Variants in CA3 observed in about 807,000 individuals in gnomAD.
The protein encoded by CA3 is carbonic anhydrase 3, also known as CA-III.
Under a neutral mutation model 35.7 loss-of-function variants are expected in CA3, and 30 were observed. The observed-to-expected ratio is 0.84, with a 90% confidence interval of 0.63 to 1.14. CA3 has a LOEUF of 1.14. Among genes scored for constraint, CA3 ranks in the 50% most tolerant of loss-of-function variants. The pLI, the probability that CA3 is intolerant of heterozygous loss-of-function variation, is 0.00. For synonymous variants in CA3, 131 were observed against 130.8 expected (o/e 1.00, Z -0.01); for missense variants, 295 against 328.5 (o/e 0.90, Z 0.79).
intron 3 of CA3, 39 bp from the exon 4 acceptor site, chr8:85,443,995 C>T: frequency 7.6e-7 from 1 of 1,321,116 alleles, no homozygotes; most frequent in East Asian, 2.3e-5. Flanking sequence ...TTTCCATATT[C>T]CAGGAATTTA....
At chr8:85,447,079 C>T (rs1205229559) in intron 6 of CA3, among the ~76,000 whole-genome samples, 2 of 152,104 alleles carry the variant, frequency 1.3e-5, no homozygotes, top group Non-Finnish European at 2.9e-5. Context: ...CAGTTGTAAA[C>T]TCAAGTTTAT....
chr8:85,440,844 T>C (rs570037445), intron 2 of CA3, among the ~76,000 whole-genome samples: 3 of 152,344 alleles, frequency 2.0e-5, no homozygotes, highest in Admixed American at 6.5e-5. Flanking sequence ...TGGTTTCGTA[T>C]TGCTATTGTT....
At chr8:85,439,232 C>G (rs1382003558) in intron 1 of CA3, among the ~76,000 whole-genome samples, 1 of 152,038 alleles carries the variant, frequency 6.6e-6, no homozygotes, top group East Asian at 1.9e-4. Context: ...GTCAGACAGC[C>G]CGAGGTCAGG....
chr8:85,448,679 C>G lies in CA3; in HGVS notation c.*526C>G, dbSNP rs1811328809. The G allele has an allele frequency of 6.6e-6, 1 of 152,190 alleles. No individual in the cohort carries two copies. Among genetic ancestry groups the G allele is most frequent in the African/African-American group, 2.4e-5 (1 of 41,462 alleles). 9.4% of individuals were successfully genotyped at this position (152,190 alleles called of 1,614,324 possible). A position where few individuals can be genotyped will look rare whatever the true frequency, so the allele number is the denominator to read the frequency against. On this transcript the variant is annotated 3_prime_UTR_variant, in exon 7 of 7. Transcript: ENST00000285381. ...TAATAATATGTTTTAACTCTTAACACCAGCAAGAAGTCAGTCATTTATTGA... is the reference window on the plus strand; with the variant it reads ...TAATAATATGTTTTAACTCTTAACAGCAGCAAGAAGTCAGTCATTTATTGA...
chr8:85,439,902 T>C lies in CA3; in HGVS notation c.225T>C (p.Asp75=). The C allele has an allele frequency of 6.2e-7, 1 of 1,609,010 alleles. No homozygotes were observed. Among genetic ancestry groups the C allele is most frequent in the African/African-American group, 1.3e-5 (1 of 74,998 alleles). Residue 75 remains aspartate, a synonymous_variant, in exon 2 of 7, where the codon GAT becomes GAC. Transcript: ENST00000285381. ...TCRVVFDDTY[D]RSMLRGGPLP... is the part of the protein sequence containing the mutation. ...GAGTTGTATTTGATGATACTTATGA[T>C]AGGTCAAGTAAGTATGACAATGAGG...
intron 2 of CA3, among the ~76,000 whole-genome samples, chr8:85,440,582 A>G (rs1307158460): frequency 6.6e-6 from 1 of 152,242 alleles, no homozygotes; most frequent in Non-Finnish European, 1.5e-5. Context: ...TAGTAAGCAA[A>G]TCAGTATAAT....
chr8:85,447,830 G>A (rs2130512234), intron 6 of CA3, among the ~76,000 whole-genome samples: 1 of 152,238 alleles, frequency 6.6e-6, no homozygotes, highest in South Asian at 2.1e-4. Flanking sequence ...GTTCTGTGAG[G>A]TGGAGGTTGC....
In CA3 at chr8:85,438,860, C is replaced by A; in HGVS notation, c.-50C>A. The A allele has an allele frequency of 6.5e-7, 1 of 1,548,848 alleles. No homozygotes were observed. The highest frequency in any genetic ancestry group is 8.7e-7 in the Non-Finnish European group (1 of 1,145,648). ...GCGCGGGCTCGCGGCGACTCTGCAC[C>A]ACGCAGGGGAAGAGAAAGCAGGAGC... On this transcript the variant is annotated 5_prime_UTR_variant, in exon 1 of 7. Transcript: ENST00000285381.
chr8:85,443,892 G>A (rs1248687050), intron 3 of CA3, 142 bp from the exon 4 acceptor site: 2 of 649,656 alleles, frequency 3.1e-6, no homozygotes, highest in Non-Finnish European at 2.7e-6. Flanking sequence ...AATGTTACAT[G>A]CTACTCTTTC....
intron 1 of CA3, 148 bp downstream of exon 1, chr8:85,439,091 C>G: frequency 1.3e-6 from 1 of 770,370 alleles, no homozygotes; most frequent in Non-Finnish European, 2.1e-6. Flanking sequence ...TTTCAACTGC[C>G]AAATGCTGCT....
At chr8:85,443,074 G>A (rs774600679) in intron 3 of CA3, among the ~76,000 whole-genome samples, 6 of 152,084 alleles carry the variant, frequency 3.9e-5, no homozygotes, top group African/African-American at 1.4e-4. Flanking sequence ...TTAATGAACC[G>A]TGTGCATATA....
In CA3 at chr8:85,439,752, G is replaced by A. The variant is rs76449826; in HGVS notation, c.75G>A (p.Gly25=). 620 of 1,614,024 alleles carry A rather than the reference G, an allele frequency of 3.8e-4. 1 individual carries two copies. In the African/African-American group the frequency reaches 7.9e-3, roughly 20 times the overall value. Residue 25 remains glycine, a synonymous_variant, in exon 2 of 7, where the codon GGG becomes GGA. Transcript: ENST00000285381. ...HWHELFPNAK[G]ENQSPVELHT... Reference sequence around the variant, plus strand: ...ATGAACTTTTCCCAAATGCCAAGGGGGAAAACCAGTCGCCCGTTGAGCTGC... The same window carrying A: ...ATGAACTTTTCCCAAATGCCAAGGGAGAAAACCAGTCGCCCGTTGAGCTGC...
chr8:85,442,185 A>C lies in CA3; in HGVS notation c.345A>C (p.Ala115=), dbSNP rs763052508. 1 of 1,534,714 alleles carries C rather than the reference A, an allele frequency of 6.5e-7. No homozygotes were observed. Among genetic ancestry groups the C allele is most frequent in the African/African-American group, 1.4e-5 (1 of 73,572 alleles). ...ACACCGTGGATGGAGTCAAGTATGCAGCGGAGGTAAGAGGAACTGCCATAA... is the reference window on the plus strand; with the variant it reads ...ACACCGTGGATGGAGTCAAGTATGCCGCGGAGGTAAGAGGAACTGCCATAA... ...SEHTVDGVKY[A]AELHLVHWNP... The change falls in exon 3 of 7, where the codon GCA becomes GCC. Residue 115 remains alanine (A), a synonymous_variant. Coordinates refer to ENST00000285381, the MANE Select transcript of CA3 (RefSeq NM_005181.4).
intron 6 of CA3, among the ~76,000 whole-genome samples, chr8:85,447,595 A>G (rs1811309438): frequency 6.6e-6 from 1 of 152,190 alleles, no homozygotes; most frequent in Non-Finnish European, 1.5e-5. Context: ...TTTGCTTGTC[A>G]TGTTTAAAAC....
intron 5 of CA3, among the ~76,000 whole-genome samples, chr8:85,445,924 A>G (rs981802315): frequency 1.3e-5 from 2 of 152,248 alleles, no homozygotes; most frequent in African/African-American, 4.8e-5. Context: ...AACACTAAGG[A>G]ACACAGTATG....
chr8:85,442,669 C>T (rs1366601594), intron 3 of CA3, among the ~76,000 whole-genome samples: 3 of 152,062 alleles, frequency 2.0e-5, no homozygotes, highest in African/African-American at 4.8e-5. Flanking sequence ...GCTGTGATTG[C>T]GCCACTTCAC....
rs376717835 is a variant in CA3 at position 85,446,186 on chromosome 8, C to A, written c.552C>A (p.Phe184Leu). Reference protein sequence around the residue: ...PFTKFDPSCLFPACRDYWTYQ... With the variant: ...PFTKFDPSCLLPACRDYWTYQ... Reference sequence around the variant, plus strand: ...CAAAGTTTGACCCATCCTGCCTGTTCCCGGCATGCCGGGACTACTGGACCT... The same window carrying A: ...CAAAGTTTGACCCATCCTGCCTGTTACCGGCATGCCGGGACTACTGGACCT... The change falls in exon 6 of 7, where the codon TTC (phenylalanine) becomes TTA (leucine). Residue 184 changes from phenylalanine to leucine, a missense_variant. By Grantham distance (22) the Phe-to-Leu change is conservative. Transcript: ENST00000285381. 2.5e-6 allele frequency: 4 copies of A among 1,613,594 alleles called. No homozygotes were observed. Among genetic ancestry groups the A allele is most frequent in the South Asian group, 1.1e-5 (1 of 90,974 alleles).
Position 85,444,056 on chromosome 8 carries a change from C to G in CA3, c.374C>G (p.Pro125Arg). The change falls in exon 4 of 7, where the codon CCG becomes CGG. Residue 125 changes from proline to arginine, a missense_variant. Pro to Arg is a moderately radical substitution (Grantham distance 103). Coordinates refer to ENST00000285381, the MANE Select transcript of CA3 (RefSeq NM_005181.4). ...CAGCTTCATTTGGTTCACTGGAACC[C>G]GAAGTATAACACTTTTAAAGAAGCC... ...AAELHLVHWN[P>R]KYNTFKEALK... 1.2e-6 allele frequency: 2 copies of G among 1,612,998 alleles called. No individual in the cohort carries two copies. The highest frequency in any genetic ancestry group is 1.7e-6 in the Non-Finnish European group (2 of 1,179,036).
chr8:85,444,025 TG>T lies in CA3; in HGVS notation c.352-7del. On this transcript the variant is annotated splice_polypyrimidine_tract_variant and splice_region_variant and intron_variant, in intron 3 of 6. Transcript: ENST00000285381. ...AATTTACCTTCTAATCTGTCTTCTA[TG>T]GTTTCAGCTTCATTTGGTTCACTGG... The T allele has an allele frequency of 6.3e-7, 1 of 1,582,546 alleles. No individual in the cohort carries two copies. Among genetic ancestry groups the T allele is most frequent in the Non-Finnish European group, 8.7e-7 (1 of 1,151,244 alleles).
Sources: gnomAD v4.1 joint callset for allele counts (sites outside exome capture counted in the v4.1 genomes callset) on GRCh38, gnomAD v4.1.1 for gene constraint, MANE v1.5 for transcripts, NCBI Gene and HGNC (gene_info 2026-07-23, HGNC 2026-07-21) for gene names.